GLCE: variants seen among roughly 807,000 people sequenced by gnomAD.
GLCE encodes the protein glucuronic acid epimerase.
In GLCE, 19 loss-of-function variants were observed where a neutral mutation model predicts 47.9. The observed-to-expected ratio is 0.40, with a 90% CI of 0.28 to 0.58. The LOEUF (loss-of-function observed/expected upper bound fraction) is 0.58. Among genes scored for constraint, GLCE ranks in the 20% least tolerant of loss-of-function variants. The probability of loss-of-function intolerance (pLI) is 0.48; values close to 1 mark genes in which losing one functional copy is unlikely to be tolerated. For missense variants in GLCE, 556 were observed against 743.3 expected (o/e 0.75, Z 2.93); for synonymous variants, 245 against 263.4 (o/e 0.93, Z 0.68).
intron 2 of GLCE, among the ~76,000 whole-genome samples, chr15:69,218,228 G>A (rs2052333687): frequency 6.6e-6 from 1 of 150,972 alleles, no homozygotes; most frequent in African/African-American, 2.4e-5. Context: ...TAGAAAAATA[G>A]GCCAGGCACA....
intron 1 of GLCE, among the ~76,000 whole-genome samples, chr15:69,190,227 G>T (rs1282127179): frequency 6.6e-6 from 1 of 152,092 alleles, no homozygotes; most frequent in Non-Finnish European, 1.5e-5. Context: ...CTGAGTTGGG[G>T]TGTTGTTCCA....
At chr15:69,254,234 T>C (rs889232044) in intron 2 of GLCE, among the ~76,000 whole-genome samples, 3 of 152,192 alleles carry the variant, frequency 2.0e-5, no homozygotes, top group African/African-American at 7.2e-5. Flanking sequence ...CAGGCTGAAA[T>C]GTATCATACA....
At position 69,249,964 on chromosome 15, in the gene GLCE, G is replaced by A. The variant is rs189095815; in HGVS notation, c.-13-5830G>A. 1.8e-3 allele frequency among the ~76,000 whole-genome samples: 278 copies of A among 152,176 alleles called. 3 individuals are homozygous for A. The highest frequency in any genetic ancestry group is 6.4e-3 in the African/African-American group (267 of 41,514). On this transcript the variant is annotated intron_variant, in intron 2 of 4. Transcript: ENST00000261858. ...CCACAGTTTCTTTATGATGCTTACT[G>A]CATGACATTTTCTGTTTTAGATCTC...
chr15:69,199,981 T>C (rs2052053247), intron 1 of GLCE, among the ~76,000 whole-genome samples: 1 of 152,164 alleles, frequency 6.6e-6, no homozygotes, highest in South Asian at 2.1e-4. Context: ...GGCTGGGTTT[T>C]ATCAGAGTAG....
intron 2 of GLCE, among the ~76,000 whole-genome samples, chr15:69,224,649 A>G (rs951003114): frequency 2.6e-5 from 4 of 152,210 alleles, no homozygotes; most frequent in African/African-American, 9.6e-5. Context: ...CTTTTTGCCT[A>G]CGTGGGCTCC....
intron 4 of GLCE, among the ~76,000 whole-genome samples, chr15:69,267,227 C>T (rs961455954): frequency 6.6e-6 from 1 of 152,160 alleles, no homozygotes; most frequent in African/African-American, 2.4e-5. Flanking sequence ...AACTTTTTGA[C>T]CTCTGAAGCC....
At chr15:69,263,634 T>C (rs1351021111) in intron 4 of GLCE, among the ~76,000 whole-genome samples, 1 of 152,192 alleles carries the variant, frequency 6.6e-6, no homozygotes, top group African/African-American at 2.4e-5. Context: ...TAGCTTTCCC[T>C]TTCCCCAAGC....
At chr15:69,242,819 G>C (rs905777701) in intron 2 of GLCE, among the ~76,000 whole-genome samples, 2 of 151,776 alleles carry the variant, frequency 1.3e-5, no homozygotes, top group Admixed American at 6.6e-5. Context: ...CCGAGGCAGG[G>C]GGTGTTGCTT....
rs1566976800 is a variant in GLCE, at chr15:69,271,737, A to G, written c.*2493A>G. On this transcript the variant is annotated 3_prime_UTR_variant, in exon 5 of 5. Transcript: ENST00000261858. The stretch of plus-strand genomic sequence containing the variant: ...GCTACTTCAGTTGTAAAACCAGCCA[A>G]AAGTTTCTGGATGAAGGTCAAGTTT... 2.0e-5 allele frequency: 3 copies of G among 152,652 alleles called. No homozygotes were observed. In the South Asian group the frequency reaches 6.2e-4, roughly 32 times the overall value. The allele number at this position is 152,652 out of a possible 1,614,324, so 9.5% of individuals were successfully genotyped here.
Position 69,261,057 on chromosome 15 carries a change from G to A in GLCE, c.587-30G>A, listed in dbSNP as rs780475023. ...GAATAGGCTTGTAATGTCTGGATAT[G>A]ATTATTCATTTTGTTTCTCTATTTT... On this transcript the variant is annotated intron_variant, in intron 3 of 4. Transcript: ENST00000261858. 2.5e-6 allele frequency: 4 copies of A among 1,595,352 alleles called. No homozygotes were observed. The South Asian group carries it at 4.4e-5, about 18-fold the overall frequency.
At chr15:69,175,337 T>C (rs1344843924) in intron 1 of GLCE, among the ~76,000 whole-genome samples, 1 of 152,204 alleles carries the variant, frequency 6.6e-6, no homozygotes. Context: ...TATGCCAATG[T>C]CTTTGTCATT....
At position 69,245,967 on chromosome 15, in the gene GLCE, A is replaced by G. The variant is rs546235956; in HGVS notation, c.-13-9827A>G. On this transcript the variant is annotated intron_variant, in intron 2 of 4. Transcript: ENST00000261858. ...TGCTCTCGAACTCCTTACCTCAGGT[A>G]ATCTGCCCGCCTCGGCCTCCTAAAG... Among the ~76,000 whole-genome samples, 3 of 152,228 alleles carry G rather than the reference A, an allele frequency of 2.0e-5. 1 individual carries two copies. The highest frequency in any genetic ancestry group is 1.9e-4 in the East Asian group (1 of 5,160).
At chr15:69,238,696 G>C (rs1019148919) in intron 2 of GLCE, among the ~76,000 whole-genome samples, 1 of 152,128 alleles carries the variant, frequency 6.6e-6, no homozygotes, top group Non-Finnish European at 1.5e-5. Context: ...CTGGATTGTG[G>C]AAAGAATAGG....
In GLCE at chr15:69,210,393, T is replaced by C. The variant is rs1248681859; in HGVS notation, c.-27T>C. The C allele has an allele frequency of 6.6e-6, 1 of 152,150 alleles. No homozygotes were observed. Among genetic ancestry groups the C allele is most frequent in the Non-Finnish European group, 1.5e-5 (1 of 68,012 alleles). The allele number at this position is 152,150 out of a possible 1,614,324, so 9.4% of individuals were successfully genotyped here. The stretch of plus-strand genomic sequence containing the variant: ...AGAGATGTTCTAGAGTTTAGATTCT[T>C]TCATTTGATTAAGGTAAGATTGTTT... On this transcript the variant is annotated 5_prime_UTR_variant, in exon 2 of 5. Transcript: ENST00000261858.
intron 2 of GLCE, among the ~76,000 whole-genome samples, chr15:69,229,958 C>T (rs1216856194): frequency 6.6e-6 from 1 of 151,886 alleles, no homozygotes; most frequent in East Asian, 1.9e-4. Context: ...GTATGTAATT[C>T]CAGCACTTTG....
intron 2 of GLCE, among the ~76,000 whole-genome samples, chr15:69,241,879 CT>C (rs1172814083): frequency 6.6e-6 from 1 of 152,156 alleles, no homozygotes; most frequent in African/African-American, 2.4e-5. Flanking sequence ...ATCAGAATCA[CT>C]TGTGTAAGAC....
At chr15:69,211,893 T>TCTTA (rs1310999626) in intron 2 of GLCE, among the ~76,000 whole-genome samples, 1 of 152,036 alleles carries the variant, frequency 6.6e-6, no homozygotes, top group Non-Finnish European at 1.5e-5. Context: ...GTGTGAGGTA[T>TCTTA]CTTTGCTTTC....
Position 69,269,036 on chromosome 15 carries a change from T to C in GLCE, c.1646T>C (p.Leu549Pro). 6.2e-7 allele frequency: 1 copy of C among 1,614,194 alleles called. No homozygotes were observed. The highest frequency in any genetic ancestry group is 8.5e-7 in the Non-Finnish European group (1 of 1,180,016). ...GGCATGGAATCTCTTAAAGCCATGC[T>C]GCCCTTGTATGACACTGGCTCAGGA... ...ERGMESLKAM[L>P]PLYDTGSGTI... The change falls in exon 5 of 5, where the codon CTG becomes CCG. Residue 549 changes from leucine (L) to proline (P), a missense_variant. By Grantham distance (98) the Leu-to-Pro change is moderately conservative. Around this residue, in one of 3 missense-constraint regions of GLCE, gnomAD observed 245 missense variants for 368.1 expected, o/e 0.67. Transcript: ENST00000261858.
intron 2 of GLCE, among the ~76,000 whole-genome samples, chr15:69,225,281 A>G (rs1168992773): frequency 7.1e-4 from 108 of 152,124 alleles, no homozygotes; most frequent in Non-Finnish European, 8.8e-5. Flanking sequence ...GAATGTATGC[A>G]GTAAGCTAGG....
Sources: allele counts gnomAD v4.1 joint callset (sites outside exome capture counted in the v4.1 genomes callset), GRCh38; gene constraint gnomAD v4.1.1; regional missense constraint gnomAD v4.1.1; transcripts MANE v1.5; gene names NCBI Gene and HGNC (gene_info 2026-07-23, HGNC 2026-07-21).